Variants in CSMD1 observed in about 807,000 individuals in gnomAD.
The protein encoded by CSMD1 is CUB and sushi domain-containing protein 1.
A neutral mutation model predicts 417.5 loss-of-function variants in CSMD1; 213 were observed. The observed-to-expected ratio is 0.51, with a 90% CI of 0.46 to 0.57. CSMD1 has a LOEUF of 0.57. Among genes scored for constraint, CSMD1 ranks in the 20% least tolerant of loss-of-function variants. The pLI, the probability that CSMD1 is intolerant of heterozygous loss-of-function variation, is 0.00. For missense variants in CSMD1, 6,923 were observed against 4,529.7 expected (o/e 1.53, Z -15.17); for synonymous variants, 2,862 against 1,736.8 (o/e 1.65, Z -16.11).
chr8:4,840,427 G>A (rs1480600019), intron 1 of CSMD1, among the ~76,000 whole-genome samples: 2 of 152,134 alleles, frequency 1.3e-5, no homozygotes, highest in East Asian at 1.9e-4. Context: ...CCACTTATAT[G>A]TTGAAGACTA....
intron 50 of CSMD1, among the ~76,000 whole-genome samples, chr8:3,049,806 T>A (rs577400926): frequency 6.6e-6 from 1 of 152,218 alleles, no homozygotes; most frequent in East Asian, 1.9e-4. Context: ...GCATCCATTG[T>A]AACATGCACC....
At chr8:4,173,304 G>A (rs1171872699) in intron 3 of CSMD1, among the ~76,000 whole-genome samples, 1 of 152,154 alleles carries the variant, frequency 6.6e-6, no homozygotes, top group African/African-American at 2.4e-5. Context: ...CCAAATTGAA[G>A]TGGGAAATTT....
chr8:4,109,826 TAAAAC>T (rs767561667), intron 3 of CSMD1, among the ~76,000 whole-genome samples: 2 of 152,134 alleles, frequency 1.3e-5, no homozygotes, highest in Non-Finnish European at 2.9e-5. Context: ...CATAAATACT[TAAAAC>T]AGAGTAAGAT....
At chr8:4,210,066 C>A (rs2131283702) in intron 3 of CSMD1, among the ~76,000 whole-genome samples, 1 of 152,260 alleles carries the variant, frequency 6.6e-6, no homozygotes, top group East Asian at 1.9e-4. Flanking sequence ...TGAGTCAAGT[C>A]CCACCTCCTA....
At chr8:3,181,817 A>C (rs1706791250) in intron 36 of CSMD1, among the ~76,000 whole-genome samples, 1 of 152,198 alleles carries the variant, frequency 6.6e-6, no homozygotes, top group Admixed American at 6.5e-5. Flanking sequence ...ACAGTAACTA[A>C]CCGATTGGAA....
At chr8:4,529,917 T>TTTTG (rs1796708392) in intron 2 of CSMD1, among the ~76,000 whole-genome samples, 1 of 151,716 alleles carries the variant, frequency 6.6e-6, no homozygotes, top group African/African-American at 2.4e-5. Context: ...TTTTATTTAT[T>TTTTG]TTTGTTTGTC....
intron 3 of CSMD1, among the ~76,000 whole-genome samples, chr8:4,273,695 C>A (rs1301127483): frequency 1.3e-5 from 2 of 152,024 alleles, no homozygotes; most frequent in African/African-American, 4.8e-5. Flanking sequence ...ATATGGTATT[C>A]GAATATTCAG....
chr8:3,928,067 T>C (rs1395766495), intron 5 of CSMD1, among the ~76,000 whole-genome samples: 4 of 152,164 alleles, frequency 2.6e-5, no homozygotes, highest in Non-Finnish European at 4.4e-5. Flanking sequence ...TTCCCCACTT[T>C]ATTCAAGGAG....
At chr8:3,981,341 A>G (rs967420688) in intron 5 of CSMD1, among the ~76,000 whole-genome samples, 3 of 152,096 alleles carry the variant, frequency 2.0e-5, no homozygotes, top group African/African-American at 7.2e-5. Flanking sequence ...TGGGGACTTC[A>G]GGGGAAGAGT....
At chr8:3,527,261 T>C (rs746897819) in intron 10 of CSMD1, among the ~76,000 whole-genome samples, 49 of 152,294 alleles carry the variant, frequency 3.2e-4, no homozygotes, top group Admixed American at 1.0e-3. Flanking sequence ...AGGGCGCTGA[T>C]AGGGAATTAT....
At chr8:3,925,281 C>A (rs1403758236) in intron 5 of CSMD1, among the ~76,000 whole-genome samples, 1 of 152,200 alleles carries the variant, frequency 6.6e-6, no homozygotes, top group African/African-American at 2.4e-5. Flanking sequence ...GCGATTGCTA[C>A]AATAACCCAA....
At chr8:3,332,349 G>A (rs905911141) in intron 23 of CSMD1, among the ~76,000 whole-genome samples, 2 of 152,228 alleles carry the variant, frequency 1.3e-5, no homozygotes, top group African/African-American at 2.4e-5. Context: ...GTTGCTGAGG[G>A]CTTGCCCGCT....
chr8:3,969,349 G>C lies in CSMD1; in HGVS notation c.818+28554C>G, dbSNP rs145737364. Among the ~76,000 whole-genome samples, 462 of 152,278 alleles carry C rather than the reference G, an allele frequency of 3.0e-3. 2 individuals carry two copies. Among genetic ancestry groups the C allele is most frequent in the African/African-American group, 0.01 (420 of 41,560 alleles). On this transcript the variant is annotated intron_variant, in intron 5 of 69. Transcript: ENST00000635120. Reference sequence around the variant, plus strand: ...TGCTCTCGCTACTTGCTTCCTAATGGAACATCACAGAATGCTCAGAAGCTG... The same window carrying C: ...TGCTCTCGCTACTTGCTTCCTAATGCAACATCACAGAATGCTCAGAAGCTG...
chr8:4,036,239 G>C (rs1002826767), intron 3 of CSMD1, among the ~76,000 whole-genome samples: 13 of 152,156 alleles, frequency 8.5e-5, no homozygotes, highest in African/African-American at 2.9e-4. Flanking sequence ...CATCCCAGTT[G>C]TTAAGTCATG....
intron 1 of CSMD1, among the ~76,000 whole-genome samples, chr8:4,899,393 G>A (rs1029982791): frequency 6.6e-6 from 1 of 152,138 alleles, no homozygotes; most frequent in Non-Finnish European, 1.5e-5. Flanking sequence ...GAATTATTTG[G>A]AAGGATATAA....
At chr8:3,894,724 T>C (rs1473607580) in intron 5 of CSMD1, among the ~76,000 whole-genome samples, 2 of 152,230 alleles carry the variant, frequency 1.3e-5, no homozygotes, top group Non-Finnish European at 2.9e-5. Context: ...AATTAGTTTC[T>C]TGATTAACTA....
intron 12 of CSMD1, among the ~76,000 whole-genome samples, chr8:3,446,158 G>T (rs942260814): frequency 1.3e-5 from 2 of 152,138 alleles, no homozygotes; most frequent in African/African-American, 4.8e-5. Flanking sequence ...AATTGCCATG[G>T]CCCCAGGGAG....
At chr8:4,601,930 T>G (rs570270569) in intron 2 of CSMD1, among the ~76,000 whole-genome samples, 2 of 152,122 alleles carry the variant, frequency 1.3e-5, no homozygotes, top group Non-Finnish European at 2.9e-5. Context: ...GAATTCCTTG[T>G]GAAGCTTATA....
chr8:4,732,197 A>T (rs933130900), intron 1 of CSMD1, among the ~76,000 whole-genome samples: 2 of 152,164 alleles, frequency 1.3e-5, no homozygotes, highest in African/African-American at 4.8e-5. Context: ...CGCAGACAAG[A>T]ACTCAGATGT....
Sources: gnomAD v4.1 joint callset for allele counts (sites outside exome capture counted in the v4.1 genomes callset) on GRCh38, gnomAD v4.1.1 for gene constraint, MANE v1.5 for transcripts, NCBI Gene and HGNC (gene_info 2026-07-23, HGNC 2026-07-21) for gene names.